Variants in OXR1 observed in about 807,000 individuals in gnomAD.
OXR1 encodes the protein oxidation resistance 1.
OXR1 carries 41 observed loss-of-function variants against 104.6 expected under a neutral mutation model. The observed-to-expected ratio is 0.39, with a 90% CI of 0.31 to 0.51. The LOEUF (loss-of-function observed/expected upper bound fraction) is 0.51. OXR1 is among the 20% of genes least tolerant of loss of function. OXR1 has a pLI of 0.77. For missense variants in OXR1, 955 were observed against 1,031.9 expected, an observed-to-expected ratio of 0.93 and a Z score of 1.02; for synonymous variants, 348 against 348.4, an observed-to-expected ratio of 1.00 and a Z score of 0.01.
intron 3 of OXR1, among the ~76,000 whole-genome samples, chr8:106,622,702 C>G (rs1244586071): frequency 6.6e-6 from 1 of 152,118 alleles, no homozygotes; most frequent in Non-Finnish European, 1.5e-5. Context: ...CCTTCCCTGG[C>G]CACTGTACCT....
intron 2 of OXR1, among the ~76,000 whole-genome samples, chr8:106,427,333 A>T (rs903646980): frequency 6.6e-6 from 1 of 151,614 alleles, no homozygotes; most frequent in Non-Finnish European, 1.5e-5. Context: ...CGTCCGGCAA[A>T]TTTTTTTGTA....
chr8:106,332,543 A>G (rs1206900948), intron 1 of OXR1, among the ~76,000 whole-genome samples: 2 of 152,168 alleles, frequency 1.3e-5, no homozygotes, highest in Admixed American at 6.5e-5. Flanking sequence ...CAGTCCTACC[A>G]TGTGTGTCTG....
intron 2 of OXR1, among the ~76,000 whole-genome samples, chr8:106,483,028 A>T (rs908219223): frequency 6.6e-6 from 1 of 152,216 alleles, no homozygotes; most frequent in Admixed American, 6.6e-5. Context: ...TCACTTGGTC[A>T]TCTGACTCCA....
At chr8:106,307,213 G>A (rs1163985548) in intron 1 of OXR1, among the ~76,000 whole-genome samples, 1 of 152,138 alleles carries the variant, frequency 6.6e-6, no homozygotes, top group East Asian at 1.9e-4. Flanking sequence ...GAAGGGAGGC[G>A]TGGGCATGCC....
intron 3 of OXR1, chr8:106,656,391 C>T (rs1023474607): frequency 6.6e-6 from 1 of 152,262 alleles, no homozygotes; most frequent in African/African-American, 2.4e-5. Context: ...GGAGACAGCT[C>T]TCTGGGTCCC....
chr8:106,495,196 A>G (rs1811336206), intron 2 of OXR1, among the ~76,000 whole-genome samples: 1 of 151,984 alleles, frequency 6.6e-6, no homozygotes, highest in Admixed American at 6.6e-5. Context: ...AATCCACATA[A>G]CATTTTGAGG....
chr8:106,484,448 T>G lies in OXR1; in HGVS notation c.24-34495T>G, dbSNP rs1049538320. Among the ~76,000 whole-genome samples, 4 of 152,040 alleles carry G rather than the reference T, an allele frequency of 2.6e-5. No individual in the cohort carries two copies. The South Asian group carries it at 8.3e-4, about 32-fold the overall frequency. ...TAATACAACTATTATGTATTCATAA[T>G]AATTAAAATCTTTTAAGAAAGCAAA... On this transcript the variant is annotated intron_variant, in intron 2 of 16. Coordinates refer to ENST00000517566, the MANE Select transcript of OXR1 (RefSeq NM_001198533.2).
rs1021929854 is a variant in OXR1, at chr8:106,452,988, A to G, written c.24-65955A>G. ...TACTAAGCCATAGCCATATATTGAAAATTGCCCCAAATGTGCTCTGCTCTT... is the reference window on the plus strand; with the variant it reads ...TACTAAGCCATAGCCATATATTGAAGATTGCCCCAAATGTGCTCTGCTCTT... On this transcript the variant is annotated intron_variant, in intron 2 of 16. Coordinates refer to ENST00000517566, the MANE Select transcript of OXR1 (RefSeq NM_001198533.2). Among the ~76,000 whole-genome samples the G allele has an allele frequency of 3.9e-5, 6 of 152,110 alleles. 1 individual carries two copies. In the South Asian group the frequency reaches 1.2e-3, roughly 31 times the overall value.
intron 1 of OXR1, among the ~76,000 whole-genome samples, chr8:106,314,240 T>C (rs1813833631): frequency 6.6e-6 from 1 of 152,160 alleles, no homozygotes; most frequent in Admixed American, 6.6e-5. Context: ...GAAACACCTT[T>C]GTAGGTAATT....
chr8:106,435,237 G>T (rs1005031884), intron 2 of OXR1, among the ~76,000 whole-genome samples: 2 of 152,168 alleles, frequency 1.3e-5, no homozygotes, highest in African/African-American at 4.8e-5. Flanking sequence ...GGTGAGGTTG[G>T]CATGACAGGA....
intron 2 of OXR1, among the ~76,000 whole-genome samples, chr8:106,461,693 A>C (rs931595790): frequency 6.6e-6 from 1 of 152,178 alleles, no homozygotes; most frequent in African/African-American, 2.4e-5. Context: ...CAGTTTCTTT[A>C]TTTGTAAATT....
chr8:106,496,467 A>G (rs1026888965), intron 2 of OXR1, among the ~76,000 whole-genome samples: 3 of 152,218 alleles, frequency 2.0e-5, no homozygotes, highest in African/African-American at 7.2e-5. Context: ...CACAGATAGT[A>G]TGGACTTATT....
intron 3 of OXR1, among the ~76,000 whole-genome samples, chr8:106,662,999 G>T (rs540631731): frequency 1.3e-5 from 2 of 152,192 alleles, no homozygotes; most frequent in South Asian, 4.1e-4. Flanking sequence ...GAGCATTTTG[G>T]ATGTTTGGAT....
At chr8:106,703,985 A>T (rs1230602867) in intron 8 of OXR1, among the ~76,000 whole-genome samples, 3 of 152,182 alleles carry the variant, frequency 2.0e-5, no homozygotes, top group Non-Finnish European at 2.9e-5. Flanking sequence ...AGAGCAACTT[A>T]CAAAGGAAAA....
intron 1 of OXR1, chr8:106,272,160 C>T (rs973834855): frequency 1.3e-5 from 2 of 152,112 alleles, no homozygotes; most frequent in Non-Finnish European, 2.9e-5. Context: ...GCAAAAACAC[C>T]TTTTTGAACA....
At position 106,451,740 on chromosome 8, in the gene OXR1, A is replaced by G. The variant is rs181714302; in HGVS notation, c.24-67203A>G. On this transcript the variant is annotated intron_variant, in intron 2 of 16. Transcript: ENST00000517566. ...GCAATAGAAGTTTTAAGTATTCTGCATATATTTCCAATTTGGTTCAACATA... is the reference window on the plus strand; with the variant it reads ...GCAATAGAAGTTTTAAGTATTCTGCGTATATTTCCAATTTGGTTCAACATA... Among the ~76,000 whole-genome samples, 22 of 152,340 alleles carry G rather than the reference A, an allele frequency of 1.4e-4. No homozygotes were observed. In the East Asian group the frequency reaches 3.5e-3, roughly 24 times the overall value.
chr8:106,499,317 T>A (rs531288593), intron 2 of OXR1, among the ~76,000 whole-genome samples: 1 of 152,356 alleles, frequency 6.6e-6, no homozygotes, highest in East Asian at 1.9e-4. Context: ...TTTATTCTTA[T>A]GAAAAATGTT....
At chr8:106,303,248 C>CTTTTTTTTTTTTTTTTT (rs1164596413) in intron 1 of OXR1, among the ~76,000 whole-genome samples, 1 of 92,364 alleles carries the variant, frequency 1.1e-5, no homozygotes, top group African/African-American at 4.8e-5. Context: ...TTTTTTCTTT[C>CTTTTTTTTTTTTTTTTT]TTTTTTTTTT....
chr8:106,723,288 G>A (rs1472878670), intron 11 of OXR1, among the ~76,000 whole-genome samples: 5 of 151,934 alleles, frequency 3.3e-5, no homozygotes, highest in South Asian at 4.1e-4. Flanking sequence ...TCAGGAGATC[G>A]AGACCATCCT....
Sources: allele counts gnomAD v4.1 joint callset (sites outside exome capture counted in the v4.1 genomes callset), GRCh38; gene constraint gnomAD v4.1.1; transcripts MANE v1.5; gene names NCBI Gene and HGNC (gene_info 2026-07-23, HGNC 2026-07-21).